The following CDH12 variants were observed in gnomAD, a reference collection of about 807,000 sequenced individuals.
The protein encoded by CDH12 is cadherin 12, also known as cadherin-12.
In CDH12, 41 loss-of-function variants were observed where a neutral mutation model predicts 74.1. The ratio of observed to expected loss-of-function variants is 0.55; its 90% CI spans 0.43 to 0.72. The LOEUF is 0.72. Among genes scored for constraint, CDH12 ranks in the 30% least tolerant of loss-of-function variants. CDH12 has a pLI of 0.00. For synonymous variants in CDH12, 399 were observed against 355.0 expected (o/e 1.12, Z -1.39); for missense variants, 945 against 977.2 (o/e 0.97, Z 0.44).
chr5:22,586,505 A>ATGT, intron 1 of CDH12, among the ~76,000 whole-genome samples: 1 of 147,420 alleles, frequency 6.8e-6, no homozygotes, highest in Admixed American at 6.8e-5. Flanking sequence ...ATATATATAT[A>ATGT]AATAAAAATA....
In CDH12 at chr5:21,982,274, T is replaced by C. The variant is rs572276023; in HGVS notation, c.232-6889A>G. ...AGACACTGGAATTTTTTTTCTGCCT[T>C]TTGACTTCAATTAAAACATTGGCTT... On this transcript the variant is annotated intron_variant, in intron 5 of 14. Coordinates refer to ENST00000382254, the MANE Select transcript of CDH12 (RefSeq NM_004061.5). Among the ~76,000 whole-genome samples the C allele has an allele frequency of 2.0e-4, 30 of 152,120 alleles. No homozygotes were observed. In the South Asian group the frequency reaches 5.6e-3, roughly 28 times the overall value.
chr5:21,998,973 A>C (rs1268260741), intron 5 of CDH12, among the ~76,000 whole-genome samples: 1 of 152,338 alleles, frequency 6.6e-6, no homozygotes, highest in Admixed American at 6.5e-5. Flanking sequence ...CCACAAATGA[A>C]AGTATTTCAT....
At chr5:22,187,327 C>A (rs1401044553) in intron 4 of CDH12, among the ~76,000 whole-genome samples, 1 of 152,158 alleles carries the variant, frequency 6.6e-6, no homozygotes, top group Non-Finnish European at 1.5e-5. Flanking sequence ...TATAAATCCC[C>A]AAGGTGGAAA....
At chr5:21,753,971 T>C (rs182113735) in intron 14 of CDH12, among the ~76,000 whole-genome samples, 85 of 152,238 alleles carry the variant, frequency 5.6e-4, no homozygotes, top group Non-Finnish European at 9.9e-4. Context: ...TAGTAAACTA[T>C]GTGTGTGTTC....
At chr5:22,091,197 G>GTGTA (rs373423880) in intron 4 of CDH12, among the ~76,000 whole-genome samples, 16 of 132,230 alleles carry the variant, frequency 1.2e-4, no homozygotes, top group Admixed American at 9.9e-4. Context: ...GTGTGTGTGT[G>GTGTA]TATATATATA....
chr5:22,486,501 G>C (rs1053710682), intron 2 of CDH12, among the ~76,000 whole-genome samples: 1 of 149,906 alleles, frequency 6.7e-6, no homozygotes, highest in African/African-American at 2.5e-5. Context: ...GCCCAGGCTG[G>C]AGTTCAATGA....
chr5:22,338,263 A>G (rs1006004192), intron 3 of CDH12, among the ~76,000 whole-genome samples: 8 of 152,192 alleles, frequency 5.3e-5, no homozygotes, highest in Non-Finnish European at 8.8e-5. Context: ...AGATTATGCC[A>G]TTTGCAACAA....
intron 1 of CDH12, among the ~76,000 whole-genome samples, chr5:22,762,521 C>A (rs1483553673): frequency 6.6e-6 from 1 of 151,862 alleles, no homozygotes; most frequent in African/African-American, 2.4e-5. Context: ...TTGAATGGGG[C>A]AGAAAGTTAT....
intron 6 of CDH12, among the ~76,000 whole-genome samples, chr5:21,917,272 C>A (rs543235935): frequency 1.3e-5 from 2 of 152,278 alleles, no homozygotes; most frequent in South Asian, 4.1e-4. Context: ...TGGGAATCCC[C>A]TGGGAGCCTC....
intron 3 of CDH12, among the ~76,000 whole-genome samples, chr5:22,313,407 G>T (rs1474885249): frequency 6.6e-6 from 1 of 152,200 alleles, no homozygotes; most frequent in African/African-American, 2.4e-5. Context: ...CTGAGGAGAT[G>T]AATGCCTTCT....
intron 6 of CDH12, among the ~76,000 whole-genome samples, chr5:21,966,494 T>C (rs1463009469): frequency 6.6e-6 from 1 of 152,144 alleles, no homozygotes; most frequent in Non-Finnish European, 1.5e-5. Flanking sequence ...AGGAGGCCTT[T>C]GGAGTAAAAG....
chr5:22,634,315 A>G (rs1738725113), intron 1 of CDH12, among the ~76,000 whole-genome samples: 1 of 152,108 alleles, frequency 6.6e-6, no homozygotes, highest in Admixed American at 6.6e-5. Flanking sequence ...AAATGATCCT[A>G]CTATATGTTG....
chr5:22,106,932 G>T (rs531049153), intron 4 of CDH12, among the ~76,000 whole-genome samples: 1 of 152,104 alleles, frequency 6.6e-6, no homozygotes, highest in Non-Finnish European at 1.5e-5. Context: ...TCTAATAGAT[G>T]AGCCTTCCAG....
At chr5:22,249,564 G>A (rs1036121869) in intron 3 of CDH12, among the ~76,000 whole-genome samples, 6 of 152,140 alleles carry the variant, frequency 3.9e-5, no homozygotes, top group Admixed American at 6.5e-5. Flanking sequence ...ATTTGAAAGT[G>A]ACAATAAAAT....
At chr5:22,491,633 A>AAC (rs1383362036) in intron 2 of CDH12, among the ~76,000 whole-genome samples, 5 of 151,028 alleles carry the variant, frequency 3.3e-5, no homozygotes, top group South Asian at 2.1e-4. Flanking sequence ...AAAAAAAAAA[A>AAC]CAAAAACAAC....
chr5:22,015,677 A>G (rs1283817158), intron 5 of CDH12, among the ~76,000 whole-genome samples: 5 of 152,150 alleles, frequency 3.3e-5, no homozygotes, highest in Non-Finnish European at 7.4e-5. Flanking sequence ...TATAATGTCC[A>G]TGGCTTTATA....
intron 9 of CDH12, among the ~76,000 whole-genome samples, chr5:21,814,161 G>A (rs914631408): frequency 2.0e-5 from 3 of 150,276 alleles, no homozygotes; most frequent in African/African-American, 7.4e-5. Flanking sequence ...GTGTGTGTGT[G>A]TGTGTGTGTG....
At chr5:22,687,332 A>AT (rs1480884154) in intron 1 of CDH12, among the ~76,000 whole-genome samples, 1 of 152,148 alleles carries the variant, frequency 6.6e-6, no homozygotes, top group Non-Finnish European at 1.5e-5. Context: ...AAATGATAAA[A>AT]TAATTTTATT....
chr5:22,479,107 G>A (rs898863625), intron 2 of CDH12, among the ~76,000 whole-genome samples: 2 of 152,188 alleles, frequency 1.3e-5, no homozygotes, highest in Non-Finnish European at 2.9e-5. Flanking sequence ...AGGGCCTACA[G>A]CAGCAGGTCT....
Sources: gnomAD v4.1 joint callset for allele counts (sites outside exome capture counted in the v4.1 genomes callset) on GRCh38, gnomAD v4.1.1 for gene constraint, MANE v1.5 for transcripts, NCBI Gene and HGNC (gene_info 2026-07-23, HGNC 2026-07-21) for gene names.